The following UBXN7 variants were observed in gnomAD, a reference collection of about 807,000 sequenced individuals.
UBXN7 encodes UBX domain-containing protein 7.
A neutral mutation model predicts 58.0 loss-of-function variants in UBXN7; 9 were observed. That is an observed-to-expected ratio of 0.16 (90% CI 0.09 to 0.27). The LOEUF (loss-of-function observed/expected upper bound fraction) is 0.27, where lower values mean the gene tolerates loss of function less well. UBXN7 is among the 10% of genes least tolerant of loss of function. The pLI is 1.00. For missense variants in UBXN7, 328 were observed against 599.6 expected (o/e 0.55, Z 4.73); for synonymous variants, 208 against 205.0 (o/e 1.01, Z -0.12).
intron 1 of UBXN7, chr3:196,431,826 C>G (rs760956282): frequency 9.7e-5 from 39 of 402,076 alleles, no homozygotes; most frequent in African/African-American, 7.3e-4. Context: ...CCGCCAGGGC[C>G]ACGGCGATGG....
chr3:196,410,680 A>G (rs5027014), intron 1 of UBXN7, among the ~76,000 whole-genome samples: 148,096 of 152,110 alleles, frequency 0.97, 72,085 homozygotes, highest in African/African-American at 0.99. Flanking sequence ...AAATTAGCCA[A>G]GCATGTGAGC....
At chr3:196,385,857 C>T (rs956603474) in intron 5 of UBXN7, among the ~76,000 whole-genome samples, 6 of 151,892 alleles carry the variant, frequency 4.0e-5, no homozygotes, top group African/African-American at 1.5e-4. Flanking sequence ...TCTGCCCGGC[C>T]GCCACCCCAT....
chr3:196,432,265 G>A (rs985363935), intron 1 of UBXN7, 62 bp downstream of exon 1: 2 of 1,597,010 alleles, frequency 1.3e-6, no homozygotes, highest in Non-Finnish European at 8.6e-7. Context: ...GGGGAAGCCC[G>A]GGGCAGACCC....
chr3:196,385,792 G>C (rs940116258), intron 5 of UBXN7, among the ~76,000 whole-genome samples: 11 of 145,382 alleles, frequency 7.6e-5, no homozygotes, highest in Non-Finnish European at 1.5e-4. Flanking sequence ...TCTGGGAAGT[G>C]GGGGGGGTGG....
chr3:196,391,374 T>G (rs1465795603), intron 5 of UBXN7, among the ~76,000 whole-genome samples: 2 of 152,118 alleles, frequency 1.3e-5, no homozygotes, highest in African/African-American at 4.8e-5. Context: ...CATGTAGATA[T>G]ACTTATTATA....
chr3:196,420,036 A>C (rs1730630553), intron 1 of UBXN7, among the ~76,000 whole-genome samples: 2 of 152,180 alleles, frequency 1.3e-5, no homozygotes, highest in South Asian at 4.1e-4. Context: ...ACAGTGATAA[A>C]CAAGTTTAGT....
intron 3 of UBXN7, among the ~76,000 whole-genome samples, chr3:196,402,287 T>C (rs915216074): frequency 1.1e-4 from 16 of 152,130 alleles, no homozygotes; most frequent in African/African-American, 3.9e-4. Context: ...TCCCAAAGTG[T>C]TGGGATTACA....
In UBXN7 at chr3:196,371,812, C is replaced by T. The variant is rs529880963; in HGVS notation, c.615+84G>A. The T allele has an allele frequency of 7.3e-4, 1,103 of 1,505,472 alleles. 2 individuals carry two copies. Among genetic ancestry groups the T allele is most frequent in the African/African-American group, 2.1e-3 (151 of 71,364 alleles). The allele number at this position is 1,505,472 out of a possible 1,614,324, so 93.3% of individuals were successfully genotyped here. ...TTACCTTTTTTTAAATGTCTTAATTCATTATAACCCAATTCCTTTCCCTCA... is the reference window on the plus strand; with the variant it reads ...TTACCTTTTTTTAAATGTCTTAATTTATTATAACCCAATTCCTTTCCCTCA... On this transcript the variant is annotated intron_variant, in intron 6 of 10. Transcript: ENST00000296328.
In UBXN7 at chr3:196,349,273, C is replaced by T. The variant is rs1577423467; in HGVS notation, c.*7412G>A. The T allele has an allele frequency of 6.6e-6, 1 of 152,140 alleles. No homozygotes were observed. The highest frequency in any genetic ancestry group is 1.9e-4 in the East Asian group (1 of 5,198). 9.4% of individuals were successfully genotyped at this position (152,140 alleles called of 1,614,324 possible). Reference sequence around the variant, plus strand: ...ACCCCACATGGGTCAGATAAGCAGCCCCTACTAGAAGCTTGCTACTCGTTA... The same window carrying T: ...ACCCCACATGGGTCAGATAAGCAGCTCCTACTAGAAGCTTGCTACTCGTTA... On this transcript the variant is annotated 3_prime_UTR_variant, in exon 11 of 11. Transcript: ENST00000296328.
intron 2 of UBXN7, among the ~76,000 whole-genome samples, chr3:196,406,054 G>A (rs964034048): frequency 2.0e-5 from 3 of 151,204 alleles, no homozygotes; most frequent in African/African-American, 7.3e-5. Context: ...TTTGAGACAG[G>A]AGGCCTCACT....
At chr3:196,379,653 C>T (rs559554955) in intron 5 of UBXN7, among the ~76,000 whole-genome samples, 8 of 152,294 alleles carry the variant, frequency 5.3e-5, no homozygotes, top group Admixed American at 1.3e-4. Flanking sequence ...GTATGGCGAG[C>T]GCCATTCCTA....
At position 196,394,275 on chromosome 3, in the gene UBXN7, A is replaced by C. The variant is rs190270370; in HGVS notation, c.290-656T>G. On this transcript the variant is annotated intron_variant, in intron 3 of 10. Transcript: ENST00000296328. Reference sequence around the variant, plus strand: ...CACTCCAGCCTGGGCAACAAGAGCGAAACTCCATCTCAAAAAAAAAAAAAA... The same window carrying C: ...CACTCCAGCCTGGGCAACAAGAGCGCAACTCCATCTCAAAAAAAAAAAAAA... Among the ~76,000 whole-genome samples the C allele has an allele frequency of 2.0e-4, 29 of 142,228 alleles. No individual in the cohort carries two copies. In the East Asian group the frequency reaches 6.0e-3, roughly 30 times the overall value. 93.3% of individuals were successfully genotyped at this position (142,228 alleles called of 152,430 possible).
chr3:196,358,285 G>GA (rs1728407053), intron 10 of UBXN7, among the ~76,000 whole-genome samples: 2 of 152,308 alleles, frequency 1.3e-5, no homozygotes, highest in Admixed American at 6.5e-5. Context: ...CCAGCTGCTG[G>GA]AAAACCACTA....
chr3:196,392,850 T>C lies in UBXN7; in HGVS notation c.355+704A>G, dbSNP rs370834238. Reference sequence around the variant, plus strand: ...AAAAAGATTATGACAGTAGAGATGATGACCACTGTTGTCACCTTCCACTGG... The same window carrying C: ...AAAAAGATTATGACAGTAGAGATGACGACCACTGTTGTCACCTTCCACTGG... On this transcript the variant is annotated intron_variant, in intron 4 of 10. Coordinates refer to ENST00000296328, the MANE Select transcript of UBXN7 (RefSeq NM_015562.2). Among the ~76,000 whole-genome samples the C allele has an allele frequency of 1.5e-4, 23 of 152,310 alleles. No homozygotes were observed. In the East Asian group the frequency reaches 4.2e-3, roughly 28 times the overall value.
chr3:196,421,731 C>T (rs1321925909), intron 1 of UBXN7, among the ~76,000 whole-genome samples: 3 of 151,068 alleles, frequency 2.0e-5, no homozygotes, highest in Non-Finnish European at 4.4e-5. Context: ...GAGCCAAGAT[C>T]GCACCACTGC....
Position 196,368,263 on chromosome 3 carries a change from A to G in UBXN7, c.707-108T>C, listed in dbSNP as rs1443647262. On this transcript the variant is annotated intron_variant, in intron 7 of 10. Transcript: ENST00000296328. ...ACCTAGAATCCTTCTGAACACTCTC[A>G]TTAAGTATCTCTTTCAGCATATGCA... The G allele has an allele frequency of 4.5e-6, 5 of 1,123,466 alleles. No homozygotes were observed. In the Admixed American group the frequency reaches 1.2e-4, roughly 28 times the overall value. 69.6% of individuals were successfully genotyped at this position (1,123,466 alleles called of 1,614,324 possible).
At position 196,409,450 on chromosome 3, in the gene UBXN7, A is replaced by AT. The variant is rs201742896; in HGVS notation, c.74-2058dup. Among the ~76,000 whole-genome samples, 95 of 151,978 alleles carry AT rather than the reference A, an allele frequency of 6.3e-4. 1 individual carries two copies. In the East Asian group the frequency reaches 0.018, roughly 28 times the overall value. On this transcript the variant is annotated intron_variant, in intron 1 of 10. Coordinates refer to ENST00000296328, the MANE Select transcript of UBXN7 (RefSeq NM_015562.2). ...TGTCACAGTTTTTGTGTGATTTGTG[A>AT]TTTTTTTACTGTGATGTCATGTGCC...
intron 5 of UBXN7, among the ~76,000 whole-genome samples, chr3:196,389,359 T>C (rs1272825194): frequency 6.6e-6 from 1 of 152,202 alleles, no homozygotes; most frequent in East Asian, 1.9e-4. Context: ...GGCTTATTAC[T>C]GACAAAAAGA....
chr3:196,384,981 T>C (rs1161703806), intron 5 of UBXN7, among the ~76,000 whole-genome samples: 1 of 151,868 alleles, frequency 6.6e-6, no homozygotes, highest in Admixed American at 6.6e-5. Context: ...AAATAAAGGG[T>C]ATTCAATTAG....
Sources: allele counts gnomAD v4.1 joint callset (sites outside exome capture counted in the v4.1 genomes callset), GRCh38; gene constraint gnomAD v4.1.1; transcripts MANE v1.5; gene names NCBI Gene and HGNC (gene_info 2026-07-23, HGNC 2026-07-21).